Variants in SOX10 observed in about 807,000 individuals in gnomAD.
SOX10 encodes the protein SRY-box transcription factor 10.
A neutral mutation model predicts 35.0 loss-of-function variants in SOX10; 3 were observed. The observed-to-expected ratio is 0.09, with a 90% confidence interval of 0.04 to 0.22. The LOEUF (loss-of-function observed/expected upper bound fraction) is 0.22, where lower values mean the gene tolerates loss of function less well. Ranked by LOEUF, SOX10 falls within the 10% of genes least tolerant of loss-of-function variation. SOX10 has a pLI of 1.00. For missense variants in SOX10, 436 were observed against 655.1 expected, an observed-to-expected ratio of 0.67 and a Z score of 3.65; for synonymous variants, 285 against 291.0, an observed-to-expected ratio of 0.98 and a Z score of 0.21.
At chr22:37,979,014 T>A (rs1261210923) in intron 2 of SOX10, among the ~76,000 whole-genome samples, 1 of 152,158 alleles carries the variant, frequency 6.6e-6, no homozygotes, top group East Asian at 1.9e-4. Flanking sequence ...TGACCTTAGT[T>A]GATCCGCCTG....
rs1438437621 is a variant in SOX10, at chr22:37,980,342, C to A, written c.429-2207G>T. On this transcript the variant is annotated intron_variant, in intron 2 of 3. Transcript: ENST00000396884. The surrounding 1 kb of genome is among the most constrained non-coding windows in gnomAD (Gnocchi z 4.1). ...CTGGGGACATGGGACACAGAGCTCA[C>A]TCTTTCACCTATCCTTCCCTTGCCC... 1.3e-5 allele frequency among the ~76,000 whole-genome samples: 2 copies of A among 152,172 alleles called. No individual in the cohort carries two copies. The highest frequency in any genetic ancestry group is 2.4e-5 in the African/African-American group (1 of 41,428).
Position 37,972,340 on chromosome 22 carries a change from G to C in SOX10, c.*1155C>G. 1 of 795,992 alleles carries C rather than the reference G, an allele frequency of 1.3e-6. No individual in the cohort carries two copies. Among genetic ancestry groups the C allele is most frequent in the Non-Finnish European group, 1.9e-6 (1 of 525,608 alleles). 49.3% of individuals were successfully genotyped at this position (795,992 alleles called of 1,614,324 possible). A position where few individuals can be genotyped will look rare whatever the true frequency, so the allele number is the denominator to read the frequency against. On this transcript the variant is annotated 3_prime_UTR_variant, in exon 4 of 4. Coordinates refer to ENST00000396884, the MANE Select transcript of SOX10 (RefSeq NM_006941.4). Reference sequence around the variant, plus strand: ...CCGGAACCTTTAATTTTATTATGTGGAATGCTTAATGCAGAGTTAATAGGG... The same window carrying C: ...CCGGAACCTTTAATTTTATTATGTGCAATGCTTAATGCAGAGTTAATAGGG...
rs1437505622 is a variant in SOX10 at position 37,974,619 on chromosome 22, C to T, written c.698-421G>A. Among the ~76,000 whole-genome samples, 4 of 152,160 alleles carry T rather than the reference C, an allele frequency of 2.6e-5. No homozygotes were observed. Among genetic ancestry groups the T allele is most frequent in the African/African-American group, 9.7e-5 (4 of 41,426 alleles). On this transcript the variant is annotated intron_variant, in intron 3 of 3. Coordinates refer to ENST00000396884, the MANE Select transcript of SOX10 (RefSeq NM_006941.4). This position sits in a 1 kb window ranked among gnomAD's most constrained non-coding sequence, Gnocchi z 5.4. ...CCACCTGCCTCGGCCTCCCAAAGTG[C>T]TGGGATTACCATCATGAGCCACTGC...
Position 37,980,026 on chromosome 22 carries a change from G to C in SOX10, c.429-1891C>G, listed in dbSNP as rs1038956890. On this transcript the variant is annotated intron_variant, in intron 2 of 3. Transcript: ENST00000396884. This position sits in a 1 kb window ranked among gnomAD's most constrained non-coding sequence, Gnocchi z 4.1. ...CTAGCCGGCAGCAGCATTCCTCTGCGGCTTAGCCTCCCTGTCTACTCCCCC... is the reference window on the plus strand; with the variant it reads ...CTAGCCGGCAGCAGCATTCCTCTGCCGCTTAGCCTCCCTGTCTACTCCCCC... 6.6e-6 allele frequency among the ~76,000 whole-genome samples: 1 copy of C among 152,108 alleles called. No individual in the cohort carries two copies. Among genetic ancestry groups the C allele is most frequent in the Non-Finnish European group, 1.5e-5 (1 of 68,010 alleles).
intron 2 of SOX10, among the ~76,000 whole-genome samples, chr22:37,982,863 C>T (rs1932444000): frequency 1.3e-5 from 2 of 152,178 alleles, no homozygotes; most frequent in African/African-American, 2.4e-5. Flanking sequence ...TTCTTCATCC[C>T]TCACTCTTCC....
chr22:37,983,876 G>C lies in SOX10; in HGVS notation c.-84-8C>G. The C allele has an allele frequency of 8.7e-7, 1 of 1,150,136 alleles. No homozygotes were observed. The highest frequency in any genetic ancestry group is 4.2e-5 in the East Asian group (1 of 23,852). 71.2% of individuals were successfully genotyped at this position (1,150,136 alleles called of 1,614,324 possible). Reference sequence around the variant, plus strand: ...AAAGAGTCCAACGCCCACCTGGATGGAAGGAGGGCGCGATGGAGCGGCCGC... The same window carrying C: ...AAAGAGTCCAACGCCCACCTGGATGCAAGGAGGGCGCGATGGAGCGGCCGC... On this transcript the variant is annotated splice_region_variant and splice_polypyrimidine_tract_variant and intron_variant, in intron 1 of 3. Coordinates refer to ENST00000396884, the MANE Select transcript of SOX10 (RefSeq NM_006941.4). This position sits in a 1 kb window ranked among gnomAD's most constrained non-coding sequence, Gnocchi z 9.5.
chr22:37,979,905 C>CCCCTCACACCCCAGTGAGTG (rs1477276415), intron 2 of SOX10, among the ~76,000 whole-genome samples: 1 of 152,092 alleles, frequency 6.6e-6, no homozygotes, highest in East Asian at 1.9e-4. Flanking sequence ...AGCTGCCCCA[C>CCCCTCACACCCCAGTGAGTG]CCCTCACACC....
intron 2 of SOX10, among the ~76,000 whole-genome samples, chr22:37,982,141 C>G (rs987057709): frequency 1.3e-5 from 2 of 152,172 alleles, no homozygotes; most frequent in African/African-American, 4.8e-5. Flanking sequence ...TTGCTTCCCC[C>G]CAACCTCCTG....
chr22:37,976,874 G>C (rs1381573961), intron 3 of SOX10, among the ~76,000 whole-genome samples: 2 of 152,138 alleles, frequency 1.3e-5, no homozygotes, highest in Admixed American at 1.3e-4. Context: ...TCCATGGCCA[G>C]ACACGGTATC....
At chr22:37,975,770 G>A (rs139798079) in intron 3 of SOX10, among the ~76,000 whole-genome samples, 167 of 152,212 alleles carry the variant, frequency 1.1e-3, no homozygotes, top group African/African-American at 3.9e-3. Flanking sequence ...AATAGAGATT[G>A]TACCAAGCAG....
chr22:37,983,616 C>T lies in SOX10; in HGVS notation c.169G>A (p.Glu57Lys), dbSNP rs377075961. Residue 57 changes from glutamate to lysine, a missense_variant, in exon 2 of 4, where the codon GAG becomes AAG. Glu to Lys is a moderately conservative substitution (Grantham distance 56, BLOSUM62 1). Transcript: ENST00000396884. The surrounding 1 kb of genome is among the most constrained non-coding windows in gnomAD (Gnocchi z 9.5). ...TCGTCCGCCTCGCCGTCCTGCTGCTCCTTCTTGACCTTGCCCAGCTCGCCT... is the reference window on the plus strand; with the variant it reads ...TCGTCCGCCTCGCCGTCCTGCTGCTTCTTCTTGACCTTGCCCAGCTCGCCT... ...GPGELGKVKK[E>K]QQDGEADDDK... 46 of 1,606,072 alleles carry T rather than the reference C, an allele frequency of 2.9e-5. No homozygotes were observed. Among genetic ancestry groups the T allele is most frequent in the Non-Finnish European group, 3.7e-5 (44 of 1,178,776 alleles).
At position 37,973,376 on chromosome 22, in the gene SOX10, A is replaced by T; in HGVS notation, c.*119T>A. On this transcript the variant is annotated 3_prime_UTR_variant, in exon 4 of 4. Transcript: ENST00000396884. ...CAGACAGAAAGCCCCCCGACCTGTC[A>T]GCCTCTTCAGCCTCCTCAGCCTCCT... 1 of 690,458 alleles carries T rather than the reference A, an allele frequency of 1.4e-6. No homozygotes were observed. Among genetic ancestry groups the T allele is most frequent in the Non-Finnish European group, 2.4e-6 (1 of 419,394 alleles). The allele number at this position is 690,458 out of a possible 1,614,324, so 42.8% of individuals were successfully genotyped here. A position where few individuals can be genotyped will look rare whatever the true frequency, so the allele number is the denominator to read the frequency against.
In SOX10 at chr22:37,983,797, C is replaced by A; in HGVS notation, c.-13G>T. On this transcript the variant is annotated 5_prime_UTR_variant, in exon 2 of 4. Transcript: ENST00000396884. The surrounding 1 kb of genome is among the most constrained non-coding windows in gnomAD (Gnocchi z 9.5). ...GCTCCTCCGCCATGTCGCCCCCGGC[C>A]GCCGCCGCCGCCGCCTCGGCCGCCT... The A allele has an allele frequency of 7.3e-7, 1 of 1,378,980 alleles. No individual in the cohort carries two copies. Among genetic ancestry groups the A allele is most frequent in the South Asian group, 1.4e-5 (1 of 70,366 alleles). The allele number at this position is 1,378,980 out of a possible 1,614,324, so 85.4% of individuals were successfully genotyped here.
At chr22:37,981,697 C>T (rs920187920) in intron 2 of SOX10, among the ~76,000 whole-genome samples, 19 of 152,236 alleles carry the variant, frequency 1.2e-4, no homozygotes, top group African/African-American at 4.3e-4. Context: ...CTGTTTCTCA[C>T]TTGCTCTTTG....
At chr22:37,982,528 C>G (rs1401929285) in intron 2 of SOX10, among the ~76,000 whole-genome samples, 1 of 152,162 alleles carries the variant, frequency 6.6e-6, no homozygotes, top group Non-Finnish European at 1.5e-5. Context: ...CCCAGGGAAC[C>G]TGGGACTCTG....
Position 37,973,256 on chromosome 22 carries a change from C to T in SOX10, c.*239G>A. 1 of 494,782 alleles carries T rather than the reference C, an allele frequency of 2.0e-6. No individual in the cohort carries two copies. Among genetic ancestry groups the T allele is most frequent in the Admixed American group, 3.5e-5 (1 of 28,656 alleles). The allele number at this position is 494,782 out of a possible 1,614,324, so 30.6% of individuals were successfully genotyped here. A position where few individuals can be genotyped will look rare whatever the true frequency, so the allele number is the denominator to read the frequency against. On this transcript the variant is annotated 3_prime_UTR_variant, in exon 4 of 4. Coordinates refer to ENST00000396884, the MANE Select transcript of SOX10 (RefSeq NM_006941.4). Reference sequence around the variant, plus strand: ...AGCCCCTCATCTTTCAGTGTGGGTGCAACAGTCAACCTCCTTCTCCTCTGT... The same window carrying T: ...AGCCCCTCATCTTTCAGTGTGGGTGTAACAGTCAACCTCCTTCTCCTCTGT...
Position 37,983,887 on chromosome 22 carries a change from C to T in SOX10, c.-84-19G>A. On this transcript the variant is annotated intron_variant, in intron 1 of 3. Transcript: ENST00000396884. This position sits in a 1 kb window ranked among gnomAD's most constrained non-coding sequence, Gnocchi z 9.5. Reference sequence around the variant, plus strand: ...CGCCCACCTGGATGGAAGGAGGGCGCGATGGAGCGGCCGCGCGCGCAGCCC... The same window carrying T: ...CGCCCACCTGGATGGAAGGAGGGCGTGATGGAGCGGCCGCGCGCGCAGCCC... 1.9e-6 allele frequency: 2 copies of T among 1,069,142 alleles called. No individual in the cohort carries two copies. Among genetic ancestry groups the T allele is most frequent in the Non-Finnish European group, 2.4e-6 (2 of 822,356 alleles). The allele number at this position is 1,069,142 out of a possible 1,614,324, so 66.2% of individuals were successfully genotyped here.
chr22:37,983,740 C>T lies in SOX10; in HGVS notation c.45G>A (p.Val15=), dbSNP rs1390690427. 10 of 1,484,398 alleles carry T rather than the reference C, an allele frequency of 6.7e-6. No individual in the cohort carries two copies. Among genetic ancestry groups the T allele is most frequent in the Non-Finnish European group, 8.9e-6 (10 of 1,123,572 alleles). 92.0% of individuals were successfully genotyped at this position (1,484,398 alleles called of 1,614,324 possible). ...QDLSEVELSP[V]GSEEPRCLSP... is the part of the protein sequence containing the mutation. ...ACAGGCAGCGGGGCTCCTCCGAGCC[C>T]ACGGGGCTCAGCTCCACCTCCGATA... Residue 15 remains valine, a synonymous_variant, in exon 2 of 4, where the codon GTG becomes GTA. Coordinates refer to ENST00000396884, the MANE Select transcript of SOX10 (RefSeq NM_006941.4). This position sits in a 1 kb window ranked among gnomAD's most constrained non-coding sequence, Gnocchi z 9.5.
At position 37,973,427 on chromosome 22, in the gene SOX10, G is replaced by T; in HGVS notation, c.*68C>A. The T allele has an allele frequency of 9.5e-7, 1 of 1,051,972 alleles. No homozygotes were observed. The highest frequency in any genetic ancestry group is 1.4e-6 in the Non-Finnish European group (1 of 730,818). The allele number at this position is 1,051,972 out of a possible 1,614,324, so 65.2% of individuals were successfully genotyped here. A position where few individuals can be genotyped will look rare whatever the true frequency, so the allele number is the denominator to read the frequency against. On this transcript the variant is annotated 3_prime_UTR_variant, in exon 4 of 4. Coordinates refer to ENST00000396884, the MANE Select transcript of SOX10 (RefSeq NM_006941.4). Reference sequence around the variant, plus strand: ...CCACTGCCACCACCAGGCCTGAGGTGGGCAAGGAACAGGGCACACAGGCTG... The same window carrying T: ...CCACTGCCACCACCAGGCCTGAGGTTGGCAAGGAACAGGGCACACAGGCTG...
Sources: allele counts gnomAD v4.1 joint callset (sites outside exome capture counted in the v4.1 genomes callset), GRCh38; gene constraint gnomAD v4.1.1; non-coding constraint Gnocchi (gnomAD v3.1); transcripts MANE v1.5; gene names NCBI Gene and HGNC (gene_info 2026-07-23, HGNC 2026-07-21).